Variants in EIF2A observed in about 807,000 individuals in gnomAD.
EIF2A encodes the protein eukaryotic translation initiation factor 2A, also known as 65 kDa eukaryotic translation initiation factor 2A.
A neutral mutation model predicts 75.2 loss-of-function variants in EIF2A; 62 were observed. The observed-to-expected ratio is 0.82, with a 90% CI of 0.67 to 1.02. The LOEUF is 1.02. EIF2A is among the 50% of genes least tolerant of loss of function. The pLI is 0.00. For missense variants in EIF2A, 611 were observed against 677.7 expected, an observed-to-expected ratio of 0.90 and a Z score of 1.09; for synonymous variants, 207 against 239.0, an observed-to-expected ratio of 0.87 and a Z score of 1.23.
chr3:150,562,817 C>T (rs1723961638), intron 4 of EIF2A, 157 bp downstream of exon 4: 1 of 553,396 alleles, frequency 1.8e-6, no homozygotes, highest in Non-Finnish European at 3.2e-6. Flanking sequence ...GAATCTTGTA[C>T]TCTCCAAATA....
intron 6 of EIF2A, 84 bp from the exon 7 acceptor site, chr3:150,567,609 G>T: frequency 2.1e-6 from 2 of 938,886 alleles, no homozygotes. Context: ...TGTAGTTATA[G>T]TGATCTTTGA....
chr3:150,578,450 T>C (rs1414731393), intron 11 of EIF2A, among the ~76,000 whole-genome samples: 1 of 151,146 alleles, frequency 6.6e-6, no homozygotes, highest in Non-Finnish European at 1.5e-5. Context: ...TAATAGTTAT[T>C]TGTAACTCTG....
At chr3:150,565,298 G>A (rs1022061295) in intron 6 of EIF2A, 1 of 441,584 alleles carries the variant, frequency 2.3e-6, no homozygotes, top group Admixed American at 2.5e-5. Flanking sequence ...ATGTCTGGTT[G>A]TCTTTAATTT....
chr3:150,567,552 T>G (rs1410882683), intron 6 of EIF2A, 141 bp from the exon 7 acceptor site: 1 of 625,916 alleles, frequency 1.6e-6, no homozygotes, highest in African/African-American at 1.9e-5. Context: ...TTTTCCACTG[T>G]GTTACTGTAT....
rs1724300942 is a variant in EIF2A, at chr3:150,568,265, A to G, written c.784A>G (p.Asn262Asp). The change falls in exon 9 of 14, where the codon AAT (asparagine) becomes GAT (aspartate). Residue 262 changes from asparagine to aspartate, a missense_variant. Coordinates refer to ENST00000460851, the MANE Select transcript of EIF2A (RefSeq NM_032025.5). ...ACAAACTCTACACTACATTGCAACA[A>G]ATGGAGAAAGTGCTGTAGTGCAATT... ...GEQTLHYIAT[N>D]GESAVVQLPK... The G allele has an allele frequency of 1.9e-6, 3 of 1,613,108 alleles. No individual in the cohort carries two copies. The African/African-American group carries it at 4.0e-5, about 22-fold the overall frequency.
At chr3:150,582,207 G>T (rs1199576136) in intron 12 of EIF2A, among the ~76,000 whole-genome samples, 3 of 151,342 alleles carry the variant, frequency 2.0e-5, no homozygotes, top group Non-Finnish European at 4.4e-5. Context: ...CACCATGTTG[G>T]CCAGGCTGGT....
intron 7 of EIF2A, 59 bp downstream of exon 7, chr3:150,567,825 T>A (rs2107936746): frequency 6.4e-7 from 1 of 1,572,478 alleles, no homozygotes; most frequent in Non-Finnish European, 8.6e-7. Flanking sequence ...CCTAGTTTTT[T>A]GTGATTGTAA....
intron 12 of EIF2A, 115 bp from the exon 13 acceptor site, chr3:150,583,085 T>C (rs1423435124): frequency 3.5e-6 from 3 of 863,838 alleles, no homozygotes; most frequent in Non-Finnish European, 5.3e-6. Flanking sequence ...AGACCATTGT[T>C]GATACAAATC....
At chr3:150,564,997 T>G (rs1724091345) in intron 6 of EIF2A, 5 of 286,948 alleles carry the variant, frequency 1.7e-5, no homozygotes, top group South Asian at 6.6e-5. Flanking sequence ...GTACTGCACA[T>G]TGTGGTTGAT....
rs1469728290 is a variant in EIF2A, at chr3:150,564,318, G to T, written c.412G>T (p.Asp138Tyr). The part of the protein sequence containing the change: ...MQNWCPSWSE[D>Y]ETLCARNVNN... Reference sequence around the variant, plus strand: ...ACATAGGTGTCCATCCTGGTCAGAAGATGAAACTCTTTGTGCCCGCAATGT... The same window carrying T: ...ACATAGGTGTCCATCCTGGTCAGAATATGAAACTCTTTGTGCCCGCAATGT... The change falls in exon 6 of 14, where the codon GAT becomes TAT. Residue 138 changes from aspartate (D) to tyrosine (Y), a missense_variant. Transcript: ENST00000460851. The T allele has an allele frequency of 6.3e-7, 1 of 1,595,114 alleles. No homozygotes were observed. Among genetic ancestry groups the T allele is most frequent in the South Asian group, 1.2e-5 (1 of 86,830 alleles).
chr3:150,570,085 A>G (rs908621543), intron 9 of EIF2A, among the ~76,000 whole-genome samples: 3 of 152,184 alleles, frequency 2.0e-5, no homozygotes, highest in African/African-American at 7.2e-5. Flanking sequence ...TCAAAAACTT[A>G]TACATAAGAC....
chr3:150,561,919 C>T (rs138235345), intron 3 of EIF2A, among the ~76,000 whole-genome samples: 2,077 of 151,600 alleles, frequency 0.014, 53 homozygotes, highest in African/African-American at 0.048. Context: ...CTGCCACGCC[C>T]GGCTAATTTT....
intron 3 of EIF2A, among the ~76,000 whole-genome samples, chr3:150,561,372 G>A (rs1483604353): frequency 4.6e-5 from 7 of 152,214 alleles, no homozygotes. Context: ...GAGGTCAGGA[G>A]TTCAAGGCCA....
Position 150,583,278 on chromosome 3 carries a change from T to C in EIF2A, c.1692+13T>C, listed in dbSNP as rs1725296642. ...AGAAAAAAATCAGGTACTTTCTGCA[T>C]TTTTCATTTAGGCTTGTGGTGACCA... is the stretch of plus-strand genomic sequence containing the variant. On this transcript the variant is annotated intron_variant, in intron 13 of 13. Coordinates refer to ENST00000460851, the MANE Select transcript of EIF2A (RefSeq NM_032025.5). 1 of 1,611,898 alleles carries C rather than the reference T, an allele frequency of 6.2e-7. No homozygotes were observed. Among genetic ancestry groups the C allele is most frequent in the African/African-American group, 1.3e-5 (1 of 74,846 alleles).
intron 1 of EIF2A, among the ~76,000 whole-genome samples, chr3:150,549,053 G>C (rs1344316963): frequency 6.6e-6 from 1 of 152,030 alleles, no homozygotes; most frequent in Non-Finnish European, 1.5e-5. Context: ...ATAATTTGCA[G>C]ATTAGCCAGT....
chr3:150,559,491 C>G (rs1223768270), intron 3 of EIF2A, among the ~76,000 whole-genome samples: 2 of 144,012 alleles, frequency 1.4e-5, no homozygotes, highest in Admixed American at 7.5e-5. Context: ...AGCCACTATG[C>G]CCAGCCCTTT....
intron 2 of EIF2A, among the ~76,000 whole-genome samples, chr3:150,554,668 A>G (rs1408594938): frequency 6.6e-6 from 1 of 152,246 alleles, no homozygotes; most frequent in East Asian, 1.9e-4. Context: ...ATCTAGGCAG[A>G]TGATCATCAA....
intron 12 of EIF2A, among the ~76,000 whole-genome samples, chr3:150,582,346 GCT>G (rs1287309703): frequency 6.7e-6 from 1 of 148,542 alleles, no homozygotes; most frequent in East Asian, 2.0e-4. Flanking sequence ...ACAGAGTCTT[GCT>G]CTGTCGACCA....
At chr3:150,563,938 C>T (rs1724022972) in intron 5 of EIF2A, among the ~76,000 whole-genome samples, 1 of 152,138 alleles carries the variant, frequency 6.6e-6, no homozygotes, top group African/African-American at 2.4e-5. Context: ...CCTGCCTCAG[C>T]CTCCCAAGTA....
Sources: allele counts gnomAD v4.1 joint callset (sites outside exome capture counted in the v4.1 genomes callset), GRCh38; gene constraint gnomAD v4.1.1; transcripts MANE v1.5; gene names NCBI Gene and HGNC (gene_info 2026-07-23, HGNC 2026-07-21).